KMT2A: variants seen among roughly 807,000 people sequenced by gnomAD.
KMT2A encodes histone-lysine N-methyltransferase 2A.
In KMT2A, 16 loss-of-function variants were observed where a neutral mutation model predicts 345.3. That is an observed-to-expected ratio of 0.05 (90% CI 0.03 to 0.07). The LOEUF (loss-of-function observed/expected upper bound fraction) is 0.07, where lower values mean the gene tolerates loss of function less well. KMT2A is among the 10% of genes least tolerant of loss of function. KMT2A has a pLI of 1.00. For synonymous variants in KMT2A, 1,599 were observed against 1,778.6 expected, an observed-to-expected ratio of 0.90 and a Z score of 2.54; for missense variants, 3,272 against 4,841.6, an observed-to-expected ratio of 0.68 and a Z score of 9.62.
intron 1 of KMT2A, among the ~76,000 whole-genome samples, chr11:118,462,567 T>C (rs550508140): frequency 8.5e-5 from 13 of 152,270 alleles, no homozygotes; most frequent in Non-Finnish European, 1.9e-4. Flanking sequence ...TATTTATTTA[T>C]TTATTTTTTG....
In KMT2A at chr11:118,504,880, T is replaced by C. The variant is rs1555047464; in HGVS notation, c.8988T>C (p.His2996=). The change falls in exon 27 of 36, where the codon CAT becomes CAC. Residue 2996 remains histidine (H), a synonymous_variant. Transcript: ENST00000534358. The surrounding 1 kb of genome is among the most constrained non-coding windows in gnomAD (Gnocchi z 6.4). ...CTGAAGGCCACATGACTCCTGATCA[T>C]TTTATCCAAGGACACATGGATGCAG... ...PTPEGHMTPD[H]FIQGHMDADH... The C allele has an allele frequency of 6.2e-7, 1 of 1,614,068 alleles. No homozygotes were observed. Among genetic ancestry groups the C allele is most frequent in the African/African-American group, 1.3e-5 (1 of 74,930 alleles).
chr11:118,440,782 AT>A (rs797030448), intron 1 of KMT2A, among the ~76,000 whole-genome samples: 1,526 of 133,880 alleles, frequency 0.011, 6 homozygotes, highest in East Asian at 0.043. Context: ...GGAGAGCGTG[AT>A]TTTTTTTTTT....
At position 118,523,094 on chromosome 11, in the gene KMT2A, A is replaced by G. The variant is rs1256538548; in HGVS notation, c.*922A>G. 4.5e-6 allele frequency: 1 copy of G among 222,112 alleles called. No individual in the cohort carries two copies. Among genetic ancestry groups the G allele is most frequent in the Non-Finnish European group, 9.0e-6 (1 of 110,942 alleles). 13.8% of individuals were successfully genotyped at this position (222,112 alleles called of 1,614,324 possible). On this transcript the variant is annotated 3_prime_UTR_variant, in exon 36 of 36. Transcript: ENST00000534358. ...CCAGACAGAATTTGGAAACATTTTC[A>G]TAAAGCTCCATGGAGAGTTTTAAAG... is the stretch of plus-strand genomic sequence containing the variant.
chr11:118,520,172 TA>T lies in KMT2A; in HGVS notation c.11429+112del. The T allele has an allele frequency of 1.4e-6, 1 of 735,622 alleles. No individual in the cohort carries two copies. The highest frequency in any genetic ancestry group is 2.3e-6 in the Non-Finnish European group (1 of 439,226). The allele number at this position is 735,622 out of a possible 1,614,324, so 45.6% of individuals were successfully genotyped here. A position where few individuals can be genotyped will look rare whatever the true frequency, so the allele number is the denominator to read the frequency against. On this transcript the variant is annotated intron_variant, in intron 33 of 35. Transcript: ENST00000534358. This position sits in a 1 kb window ranked among gnomAD's most constrained non-coding sequence, Gnocchi z 4.3. ...GCATCAGAATTTCCTGGATAAGATT[TA>T]AAAGGACTGAAAACCATTTGTGTTG... is the stretch of plus-strand genomic sequence containing the variant.
intron 1 of KMT2A, among the ~76,000 whole-genome samples, chr11:118,464,937 T>C (rs192307705): frequency 6.6e-6 from 1 of 152,332 alleles, no homozygotes; most frequent in East Asian, 1.9e-4. Context: ...AAAGCTTTAG[T>C]AGAAAAATGC....
intron 1 of KMT2A, among the ~76,000 whole-genome samples, chr11:118,453,213 C>T (rs1949576149): frequency 6.6e-6 from 1 of 152,186 alleles, no homozygotes. Flanking sequence ...ATTGCTATTT[C>T]TACTTTCTCA....
At chr11:118,512,630 A>AT (rs1289409034) in intron 31 of KMT2A, among the ~76,000 whole-genome samples, 3 of 151,564 alleles carry the variant, frequency 2.0e-5, no homozygotes, top group Admixed American at 1.3e-4. Context: ...ACATGTTTTT[A>AT]TTTTTTTTCA....
intron 5 of KMT2A, among the ~76,000 whole-genome samples, chr11:118,479,229 C>G (rs1314220822): frequency 6.6e-6 from 1 of 152,162 alleles, no homozygotes; most frequent in African/African-American, 2.4e-5. Context: ...CATTAGCCAT[C>G]CCCTAATATG....
chr11:118,507,606 C>T lies in KMT2A; in HGVS notation c.10832C>T (p.Ala3611Val), dbSNP rs150112908. 2.1e-5 allele frequency: 34 copies of T among 1,612,018 alleles called. No individual in the cohort carries two copies. The African/African-American group carries it at 4.5e-4, about 22-fold the overall frequency. The change falls in exon 28 of 36, where the codon GCA (alanine) becomes GTA (valine). Residue 3611 changes from alanine (A) to valine (V), a missense_variant. Transcript: ENST00000534358. ...QSSQKECGQP[A>V]GQVAVLPEVQ... ...TCCCAGAAGGAGTGTGGGCAACCTGCAGGGTAAGCTGAAGAATTCGTCTTT... is the reference window on the plus strand; with the variant it reads ...TCCCAGAAGGAGTGTGGGCAACCTGTAGGGTAAGCTGAAGAATTCGTCTTT...
rs1230905704 is a variant in KMT2A, at chr11:118,436,765, T to C, written c.253T>C (p.Ser85Pro). 6.2e-7 allele frequency: 1 copy of C among 1,602,520 alleles called. No homozygotes were observed. The highest frequency in any genetic ancestry group is 1.4e-5 in the African/African-American group (1 of 74,036). Residue 85 changes from serine to proline, a missense_variant, in exon 1 of 36, where the codon TCC becomes CCC. By Grantham distance (74) the Ser-to-Pro change is moderately conservative (BLOSUM62 -1). This residue lies in a region of KMT2A where 412 missense variants were observed against 511.0 expected (regional missense o/e 0.81). Coordinates refer to ENST00000534358, the MANE Select transcript of KMT2A (RefSeq NM_001197104.2). This position sits in a 1 kb window ranked among gnomAD's most constrained non-coding sequence, Gnocchi z 6.9. ...PGGAAAASAASSSSASSSSSS... is the reference protein window; with the variant it reads ...PGGAAAASAAPSSSASSSSSS... ...GGGAGCGGCCGCCGCCTCAGCAGCC[T>C]CCTCGTCGTCCGCCTCGTCTTCGTC...
chr11:118,450,268 A>G (rs1381768583), intron 1 of KMT2A: 2 of 152,150 alleles, frequency 1.3e-5, no homozygotes, highest in African/African-American at 4.8e-5. Flanking sequence ...AGGAATCAGA[A>G]TAGTTTACTA....
chr11:118,437,061 C>T (rs1565558608), intron 1 of KMT2A, 117 bp downstream of exon 1: 1 of 1,229,876 alleles, frequency 8.1e-7, no homozygotes, highest in African/African-American at 1.6e-5. Context: ...GGTCCCTGAC[C>T]CGGGGCGAAT....
chr11:118,482,182 G>GT lies in KMT2A; in HGVS notation c.4012+91dup, dbSNP rs1950145474. ...CAAACAGCATTTGAAAGCAGGAAAT[G>GT]TATGATTTGAAGTCTTCAGTTCAAG... On this transcript the variant is annotated intron_variant, in intron 7 of 35. Transcript: ENST00000534358. The GT allele has an allele frequency of 3.6e-6, 5 of 1,406,548 alleles. No individual in the cohort carries two copies. The South Asian group carries it at 7.4e-5, about 21-fold the overall frequency. The allele number at this position is 1,406,548 out of a possible 1,614,324, so 87.1% of individuals were successfully genotyped here.
In KMT2A at chr11:118,471,773, A is replaced by G. The variant is rs782504564; in HGVS notation, c.614A>G (p.Lys205Arg). The change falls in exon 3 of 36, where the codon AAA becomes AGA. Residue 205 changes from lysine (K) to arginine (R), a missense_variant. By Grantham distance (26) the Lys-to-Arg change is conservative (BLOSUM62 2). This residue lies in a region of KMT2A where 412 missense variants were observed against 511.0 expected (regional missense o/e 0.81). Coordinates refer to ENST00000534358, the MANE Select transcript of KMT2A (RefSeq NM_001197104.2). Reference sequence around the variant, plus strand: ...TCCCCTCTAAATAAATCAGAGACCAAATCTGGAGATAAGATCAAGAAGAAA... The same window carrying G: ...TCCCCTCTAAATAAATCAGAGACCAGATCTGGAGATAAGATCAAGAAGAAA... ...VFSPLNKSET[K>R]SGDKIKKKDS... 3 of 1,613,770 alleles carry G rather than the reference A, an allele frequency of 1.9e-6. No homozygotes were observed. The highest frequency in any genetic ancestry group is 2.5e-6 in the Non-Finnish European group (3 of 1,179,750).
chr11:118,440,410 G>T (rs1230951917), intron 1 of KMT2A, among the ~76,000 whole-genome samples: 3 of 152,102 alleles, frequency 2.0e-5, no homozygotes. Flanking sequence ...ATTCTCTCAG[G>T]TAATGTTCAT....
Position 118,493,042 on chromosome 11 carries a change from C to T in KMT2A, c.5005-15C>T, listed in dbSNP as rs1230083817. 3 of 1,608,964 alleles carry T rather than the reference C, an allele frequency of 1.9e-6. No homozygotes were observed. The Admixed American group carries it at 5.1e-5, about 27-fold the overall frequency. On this transcript the variant is annotated splice_polypyrimidine_tract_variant and intron_variant, in intron 15 of 35. Transcript: ENST00000534358. This position sits in a 1 kb window ranked among gnomAD's most constrained non-coding sequence, Gnocchi z 5.8. ...TTAGTGTTAGATAAAAGCAACATAT[C>T]TTTCCTGGCAATAGGCTGCCAAGCC...
In KMT2A at chr11:118,520,613, T is replaced by C. The variant is rs1054742818; in HGVS notation, c.11430-189T>C. On this transcript the variant is annotated intron_variant, in intron 33 of 35. Transcript: ENST00000534358. This position sits in a 1 kb window ranked among gnomAD's most constrained non-coding sequence, Gnocchi z 4.3. ...TTACAGTGAGCCGAGATCGCACCAC[T>C]GGACTCCAGCCTGGGCGACAGAGCG... 7 of 583,024 alleles carry C rather than the reference T, an allele frequency of 1.2e-5. No homozygotes were observed. The highest frequency in any genetic ancestry group is 3.0e-5 in the Admixed American group (1 of 33,532). 36.1% of individuals were successfully genotyped at this position (583,024 alleles called of 1,614,324 possible).
At chr11:118,457,526 C>A (rs1276777097) in intron 1 of KMT2A, among the ~76,000 whole-genome samples, 3 of 151,868 alleles carry the variant, frequency 2.0e-5, no homozygotes, top group Admixed American at 2.0e-4. Context: ...CTGCGTTGGC[C>A]TCCCAAAGTG....
chr11:118,479,130 G>A (rs1950088887), intron 5 of KMT2A, among the ~76,000 whole-genome samples: 2 of 152,044 alleles, frequency 1.3e-5, no homozygotes, highest in Admixed American at 6.5e-5. Flanking sequence ...ATTTTTAAAT[G>A]TACAATTAAA....
Sources: gnomAD v4.1 joint callset for allele counts (sites outside exome capture counted in the v4.1 genomes callset) on GRCh38, gnomAD v4.1.1 for gene constraint, gnomAD v4.1.1 regional missense constraint, Gnocchi (gnomAD v3.1) non-coding constraint, MANE v1.5 for transcripts, NCBI Gene and HGNC (gene_info 2026-07-23, HGNC 2026-07-21) for gene names.